THSD7A: variants seen among roughly 807,000 people sequenced by gnomAD.
THSD7A encodes the protein thrombospondin type-1 domain-containing protein 7A.
Under a neutral mutation model 231.3 loss-of-function variants are expected in THSD7A, and 96 were observed. That is an observed-to-expected ratio of 0.41 (90% CI 0.35 to 0.49). The LOEUF (loss-of-function observed/expected upper bound fraction) is 0.49, where lower values mean the gene tolerates loss of function less well. Ranked by LOEUF, THSD7A falls within the 20% of genes least tolerant of loss-of-function variation. THSD7A has a pLI of 0.05. For missense variants in THSD7A, 2,290 were observed against 2,070.2 expected, an observed-to-expected ratio of 1.11 and a Z score of -2.06; for synonymous variants, 940 against 743.3, an observed-to-expected ratio of 1.26 and a Z score of -4.30.
intron 1 of THSD7A, among the ~76,000 whole-genome samples, chr7:11,798,322 A>G (rs1436835322): frequency 6.6e-6 from 1 of 151,870 alleles, no homozygotes; most frequent in Non-Finnish European, 1.5e-5. Context: ...ATACAAAAAA[A>G]TACCCAGGCA....
intron 6 of THSD7A, among the ~76,000 whole-genome samples, chr7:11,507,409 A>G (rs1787597235): frequency 6.6e-6 from 1 of 152,172 alleles, no homozygotes; most frequent in Non-Finnish European, 1.5e-5. Flanking sequence ...TAAAATGGCA[A>G]TTTGGGAAAT....
chr7:11,403,497 A>C (rs1783477992), intron 22 of THSD7A, among the ~76,000 whole-genome samples: 1 of 152,336 alleles, frequency 6.6e-6, no homozygotes, highest in South Asian at 2.1e-4. Flanking sequence ...TTCCTAGGAA[A>C]TGTCACTTTG....
intron 1 of THSD7A, among the ~76,000 whole-genome samples, chr7:11,688,303 TG>T (rs1465064035): frequency 6.6e-6 from 1 of 151,810 alleles, no homozygotes; most frequent in African/African-American, 2.4e-5. Context: ...ACAGTACTAA[TG>T]CCTGGGCGTC....
intron 7 of THSD7A, among the ~76,000 whole-genome samples, chr7:11,476,603 G>A (rs574887719): frequency 1.3e-5 from 2 of 152,186 alleles, no homozygotes; most frequent in East Asian, 3.9e-4. Flanking sequence ...GATTGCCTGA[G>A]CTCAGGAGTT....
At chr7:11,499,682 T>C (rs914188845) in intron 6 of THSD7A, among the ~76,000 whole-genome samples, 6 of 152,104 alleles carry the variant, frequency 3.9e-5, no homozygotes, top group Non-Finnish European at 7.4e-5. Flanking sequence ...ATCACAAGTA[T>C]TAACAGCAGA....
intron 1 of THSD7A, among the ~76,000 whole-genome samples, chr7:11,708,441 G>C (rs1780840902): frequency 6.6e-6 from 1 of 150,628 alleles, no homozygotes; most frequent in African/African-American, 2.4e-5. Flanking sequence ...TTTGCCAAAA[G>C]AACAACATCT....
chr7:11,614,549 G>T (rs1781042427), intron 2 of THSD7A, among the ~76,000 whole-genome samples: 1 of 152,062 alleles, frequency 6.6e-6, no homozygotes, highest in African/African-American at 2.4e-5. Context: ...TTAAAGTTTG[G>T]GGTCACTTCC....
rs142370120 is a variant in THSD7A, at chr7:11,801,478, C to T, written c.190+30279G>A. On this transcript the variant is annotated intron_variant, in intron 1 of 27. Transcript: ENST00000423059. ...CTAAGAAACTTGTCCAAGGTAACAACGTTAGAAAGTGCCAGAAACAAAATT... is the reference window on the plus strand; with the variant it reads ...CTAAGAAACTTGTCCAAGGTAACAATGTTAGAAAGTGCCAGAAACAAAATT... Among the ~76,000 whole-genome samples the T allele has an allele frequency of 4.4e-3, 675 of 152,202 alleles. 3 individuals are homozygous for T. The highest frequency in any genetic ancestry group is 0.03 in the South Asian group (146 of 4,824).
chr7:11,495,015 A>G (rs1446677854), intron 6 of THSD7A, among the ~76,000 whole-genome samples: 1 of 152,064 alleles, frequency 6.6e-6, no homozygotes, highest in African/African-American at 2.4e-5. Flanking sequence ...TGGATGTTTA[A>G]TATCTTTGGG....
chr7:11,392,471 G>A (rs926672532), intron 23 of THSD7A, among the ~76,000 whole-genome samples: 2 of 152,196 alleles, frequency 1.3e-5, no homozygotes, highest in African/African-American at 4.8e-5. Context: ...GGCAGACACT[G>A]AGCTAGTTGC....
chr7:11,593,388 C>T lies in THSD7A; in HGVS notation c.1137G>A (p.Met379Ile), dbSNP rs913630271. Reference sequence around the variant, plus strand: ...TTACACGAGTGCCTGCAGGGGACACCATGTCATGGCATGTTTTTGAGCAGG... The same window carrying T: ...TTACACGAGTGCCTGCAGGGGACACTATGTCATGGCATGTTTTTGAGCAGG... ...WSPCSKTCHD[M>I]VSPAGTRVRT... is the part of the protein sequence containing the mutation. Residue 379 changes from methionine to isoleucine, a missense_variant, in exon 3 of 28, where the codon ATG becomes ATA. By Grantham distance (10) the Met-to-Ile change is conservative. Coordinates refer to ENST00000423059, the MANE Select transcript of THSD7A (RefSeq NM_015204.3). 1.9e-6 allele frequency: 3 copies of T among 1,613,884 alleles called. No homozygotes were observed. The African/African-American group carries it at 4.0e-5, about 22-fold the overall frequency.
chr7:11,629,760 C>G (rs1020600863), intron 2 of THSD7A, among the ~76,000 whole-genome samples: 9 of 152,274 alleles, frequency 5.9e-5, no homozygotes, highest in Middle Eastern at 3.4e-3. Context: ...ATGAACTGAT[C>G]TGTAGGCCAT....
chr7:11,604,219 A>G (rs530881091), intron 2 of THSD7A, among the ~76,000 whole-genome samples: 1 of 152,254 alleles, frequency 6.6e-6, no homozygotes, highest in South Asian at 2.1e-4. Context: ...GCAACTTAGT[A>G]CTGATGAAGA....
intron 1 of THSD7A, among the ~76,000 whole-genome samples, chr7:11,785,940 C>T (rs575116417): frequency 3.1e-4 from 47 of 152,146 alleles, no homozygotes; most frequent in Non-Finnish European, 6.6e-4. Context: ...TTTCTTTGCT[C>T]CCCCTATAGA....
intron 1 of THSD7A, among the ~76,000 whole-genome samples, chr7:11,731,279 T>G (rs981590527): frequency 3.3e-5 from 5 of 151,604 alleles, no homozygotes; most frequent in Admixed American, 6.6e-5. Context: ...TTTTTCTCTA[T>G]GAGGTTTCAA....
chr7:11,479,953 T>C (rs1418021034), intron 7 of THSD7A, among the ~76,000 whole-genome samples: 1 of 152,162 alleles, frequency 6.6e-6, no homozygotes, highest in Admixed American at 6.5e-5. Flanking sequence ...ATGATAAATG[T>C]CTGAGGTGAT....
intron 6 of THSD7A, 128 bp from the exon 7 acceptor site, chr7:11,482,110 A>T (rs988471811): frequency 9.9e-7 from 1 of 1,012,418 alleles, no homozygotes; most frequent in Admixed American, 2.9e-5. Flanking sequence ...AACGTAGCCA[A>T]AAGAGGGATT....
At chr7:11,681,924 T>G (rs1324923355) in intron 1 of THSD7A, among the ~76,000 whole-genome samples, 1 of 151,810 alleles carries the variant, frequency 6.6e-6, no homozygotes, top group African/African-American at 2.4e-5. Context: ...GCACAAACCT[T>G]ACAAGCCAGA....
chr7:11,577,328 A>AT (rs1790958021), intron 4 of THSD7A, among the ~76,000 whole-genome samples: 1 of 152,004 alleles, frequency 6.6e-6, no homozygotes, highest in African/African-American at 2.4e-5. Flanking sequence ...TTTACTTTTT[A>AT]TTTTTTTGAG....
Sources: allele counts gnomAD v4.1 joint callset (sites outside exome capture counted in the v4.1 genomes callset), GRCh38; gene constraint gnomAD v4.1.1; transcripts MANE v1.5; gene names NCBI Gene and HGNC (gene_info 2026-07-23, HGNC 2026-07-21).